The following NXPH1 variants were observed in gnomAD, a reference collection of about 807,000 sequenced individuals.
The protein encoded by NXPH1 is neurexophilin-1.
NXPH1 carries 5 observed loss-of-function variants against 23.7 expected under a neutral mutation model. The ratio of observed to expected loss-of-function variants is 0.21; its 90% CI spans 0.11 to 0.44. The LOEUF (loss-of-function observed/expected upper bound fraction) is 0.44. NXPH1 is among the 20% of genes least tolerant of loss of function. The probability of loss-of-function intolerance (pLI) is 0.99; values close to 1 mark genes in which losing one functional copy is unlikely to be tolerated. For missense variants in NXPH1, 324 were observed against 321.6 expected, an observed-to-expected ratio of 1.01 and a Z score of -0.06; for synonymous variants, 144 against 122.2, an observed-to-expected ratio of 1.18 and a Z score of -1.18.
At chr7:8,459,452 G>C (rs1446359352) in intron 2 of NXPH1, among the ~76,000 whole-genome samples, 1 of 152,094 alleles carries the variant, frequency 6.6e-6, no homozygotes, top group Non-Finnish European at 1.5e-5. Context: ...TATAATTACA[G>C]TTTCATCAGT....
chr7:8,658,755 T>C (rs911671978), intron 2 of NXPH1, among the ~76,000 whole-genome samples: 2 of 151,922 alleles, frequency 1.3e-5, no homozygotes, highest in South Asian at 2.1e-4. Flanking sequence ...TACACTCTAG[T>C]AGAAAAAAAG....
At chr7:8,678,365 T>A (rs1820986981) in intron 2 of NXPH1, among the ~76,000 whole-genome samples, 1 of 152,184 alleles carries the variant, frequency 6.6e-6, no homozygotes, top group African/African-American at 2.4e-5. Flanking sequence ...TTTCCTTTAC[T>A]CCTCTTAGAA....
At chr7:8,593,377 AGAT>A (rs1819145169) in intron 2 of NXPH1, among the ~76,000 whole-genome samples, 1 of 151,978 alleles carries the variant, frequency 6.6e-6, no homozygotes, top group Non-Finnish European at 1.5e-5. Flanking sequence ...CTGATTAGAA[AGAT>A]GATTAAAATC....
intron 2 of NXPH1, among the ~76,000 whole-genome samples, chr7:8,724,732 A>C (rs1342929829): frequency 6.6e-6 from 1 of 152,266 alleles, no homozygotes; most frequent in East Asian, 1.9e-4. Context: ...TTTTTCTTTT[A>C]ACTCCAGGAG....
At chr7:8,639,674 G>C (rs747452614) in intron 2 of NXPH1, among the ~76,000 whole-genome samples, 1 of 152,126 alleles carries the variant, frequency 6.6e-6, no homozygotes, top group Non-Finnish European at 1.5e-5. Context: ...GAATTCCCAC[G>C]TATTGTGGGA....
intron 2 of NXPH1, among the ~76,000 whole-genome samples, chr7:8,636,903 G>A (rs1477379521): frequency 6.6e-6 from 1 of 152,182 alleles, no homozygotes; most frequent in African/African-American, 2.4e-5. Flanking sequence ...ATAATTGAAG[G>A]TTCAGTAACA....
chr7:8,698,475 T>C (rs1779570186), intron 2 of NXPH1, among the ~76,000 whole-genome samples: 1 of 152,204 alleles, frequency 6.6e-6, no homozygotes, highest in East Asian at 1.9e-4. Context: ...CATACCAGTA[T>C]ATATCTGTGT....
chr7:8,695,532 T>A (rs1821294688), intron 2 of NXPH1, among the ~76,000 whole-genome samples: 1 of 152,186 alleles, frequency 6.6e-6, no homozygotes, highest in Non-Finnish European at 1.5e-5. Flanking sequence ...TTGCCATCAT[T>A]AGCCTTAACT....
intron 2 of NXPH1, among the ~76,000 whole-genome samples, chr7:8,733,686 G>C (rs1270479050): frequency 6.6e-6 from 1 of 152,078 alleles, no homozygotes; most frequent in Non-Finnish European, 1.5e-5. Flanking sequence ...CTTCTTTCGA[G>C]AAGTGTCTGT....
intron 2 of NXPH1, among the ~76,000 whole-genome samples, chr7:8,748,460 T>C (rs1780509341): frequency 6.6e-6 from 1 of 152,210 alleles, no homozygotes; most frequent in Non-Finnish European, 1.5e-5. Flanking sequence ...GCAGGGTGTT[T>C]GCTTATTGTG....
chr7:8,660,477 C>G (rs1751968373), intron 2 of NXPH1, among the ~76,000 whole-genome samples: 1 of 152,190 alleles, frequency 6.6e-6, no homozygotes, highest in Non-Finnish European at 1.5e-5. Context: ...TAAGAACAAA[C>G]TTTCCCACAT....
At chr7:8,579,118 G>C (rs1281825683) in intron 2 of NXPH1, among the ~76,000 whole-genome samples, 1 of 152,174 alleles carries the variant, frequency 6.6e-6, no homozygotes, top group Non-Finnish European at 1.5e-5. Flanking sequence ...AAGGCTGCGT[G>C]TGGCTGATCT....
chr7:8,711,526 C>T (rs1299606725), intron 2 of NXPH1, among the ~76,000 whole-genome samples: 1 of 152,114 alleles, frequency 6.6e-6, no homozygotes, highest in African/African-American at 2.4e-5. Context: ...TACAAGCAGT[C>T]AGGTTAAGTG....
chr7:8,581,213 G>C (rs1055299610), intron 2 of NXPH1, among the ~76,000 whole-genome samples: 3 of 152,132 alleles, frequency 2.0e-5, no homozygotes, highest in Non-Finnish European at 4.4e-5. Flanking sequence ...ACTTATTAAA[G>C]ACATCTATGT....
chr7:8,659,517 G>A (rs1272801437), intron 2 of NXPH1, among the ~76,000 whole-genome samples: 3 of 152,120 alleles, frequency 2.0e-5, no homozygotes, highest in Non-Finnish European at 4.4e-5. Context: ...TCACTCATAG[G>A]TGGGAATTGA....
At position 8,659,661 on chromosome 7, in the gene NXPH1, A is replaced by T. The variant is rs1317155121; in HGVS notation, c.55-91347A>T. On this transcript the variant is annotated intron_variant, in intron 2 of 2. Coordinates refer to ENST00000405863, the MANE Select transcript of NXPH1 (RefSeq NM_152745.3). The stretch of plus-strand genomic sequence containing the variant: ...ACGAGTTAATGGGTGCAGCATACCA[A>T]CATGGCACATGTGTACATATGTAAC... Among the ~76,000 whole-genome samples, 3 of 152,186 alleles carry T rather than the reference A, an allele frequency of 2.0e-5. No homozygotes were observed. In the East Asian group the frequency reaches 5.8e-4, roughly 29 times the overall value.
At chr7:8,601,411 A>G (rs548341087) in intron 2 of NXPH1, among the ~76,000 whole-genome samples, 1 of 152,004 alleles carries the variant, frequency 6.6e-6, no homozygotes, top group South Asian at 2.1e-4. Flanking sequence ...ATGCAAAAAG[A>G]CAATGCTACC....
intron 2 of NXPH1, among the ~76,000 whole-genome samples, chr7:8,550,711 G>T (rs1475324266): frequency 6.6e-6 from 1 of 151,544 alleles, no homozygotes; most frequent in Non-Finnish European, 1.5e-5. Flanking sequence ...TACAGCTATA[G>T]TTATATCTAT....
intron 2 of NXPH1, among the ~76,000 whole-genome samples, chr7:8,683,640 A>AT (rs1211322704): frequency 1.3e-5 from 2 of 151,804 alleles, no homozygotes; most frequent in Non-Finnish European, 2.9e-5. Context: ...AAAATAACCT[A>AT]TTTTTTTCCT....
Sources: allele counts gnomAD v4.1 joint callset (sites outside exome capture counted in the v4.1 genomes callset), GRCh38; gene constraint gnomAD v4.1.1; transcripts MANE v1.5; gene names NCBI Gene and HGNC (gene_info 2026-07-23, HGNC 2026-07-21).